The following ARHGAP44 variants were observed in gnomAD, a reference collection of about 807,000 sequenced individuals.
The protein encoded by ARHGAP44 is Rho GTPase activating protein 44, also known as rho GTPase-activating protein 44.
A neutral mutation model predicts 106.8 loss-of-function variants in ARHGAP44; 43 were observed. The ratio of observed to expected loss-of-function variants is 0.40; its 90% CI spans 0.32 to 0.52. The LOEUF (loss-of-function observed/expected upper bound fraction) is 0.52, where lower values mean the gene tolerates loss of function less well. Ranked by LOEUF, ARHGAP44 falls within the 20% of genes least tolerant of loss-of-function variation. The probability of loss-of-function intolerance (pLI) is 0.48; values close to 1 mark genes in which losing one functional copy is unlikely to be tolerated. For missense variants in ARHGAP44, 866 were observed against 1,050.5 expected, an observed-to-expected ratio of 0.82 and a Z score of 2.43; for synonymous variants, 439 against 410.3, an observed-to-expected ratio of 1.07 and a Z score of -0.85.
intron 20 of ARHGAP44, among the ~76,000 whole-genome samples, chr17:12,989,123 AAAC>A (rs1598173408): frequency 6.7e-6 from 1 of 148,224 alleles, no homozygotes; most frequent in African/African-American, 2.5e-5. Flanking sequence ...AAAAAAAAAA[AAAC>A]TAAGCAGGCG....
Position 12,870,612 on chromosome 17 carries a change from C to G in ARHGAP44, c.54-24328C>G, listed in dbSNP as rs556855253. Among the ~76,000 whole-genome samples the G allele has an allele frequency of 1.5e-4, 23 of 152,270 alleles. 1 individual carries two copies. In the South Asian group the frequency reaches 4.6e-3, roughly 30 times the overall value. On this transcript the variant is annotated intron_variant, in intron 1 of 20. Coordinates refer to ENST00000379672, the MANE Select transcript of ARHGAP44 (RefSeq NM_014859.6). Reference sequence around the variant, plus strand: ...ACTTAGCCTGATCCAGCTCCTAGTCCTGCTCCCTGGAGACACTTTTTAATA... The same window carrying G: ...ACTTAGCCTGATCCAGCTCCTAGTCGTGCTCCCTGGAGACACTTTTTAATA...
rs1351489256 is a variant in ARHGAP44 at position 12,796,889 on chromosome 17, G to C, written c.53+6998G>C. Reference sequence around the variant, plus strand: ...CAAAGTGCTGGGATTACAGGTGTAAGCCACTGCGCCTGGCCTTGAGGCTGA... The same window carrying C: ...CAAAGTGCTGGGATTACAGGTGTAACCCACTGCGCCTGGCCTTGAGGCTGA... On this transcript the variant is annotated intron_variant, in intron 1 of 20. Transcript: ENST00000379672. 9.9e-5 allele frequency among the ~76,000 whole-genome samples: 15 copies of C among 152,198 alleles called. No homozygotes were observed. The East Asian group carries it at 2.9e-3, about 29-fold the overall frequency.
At chr17:12,924,771 A>G (rs67123869) in intron 6 of ARHGAP44, among the ~76,000 whole-genome samples, 19,619 of 152,010 alleles carry the variant, frequency 0.13, 2,341 homozygotes, top group African/African-American at 0.32. Flanking sequence ...GAGGACAGAA[A>G]CAGCAGCCAT....
At chr17:12,815,670 A>G (rs944378283) in intron 1 of ARHGAP44, among the ~76,000 whole-genome samples, 1 of 152,230 alleles carries the variant, frequency 6.6e-6, no homozygotes, top group South Asian at 2.1e-4. Flanking sequence ...GGAACTGCCC[A>G]GGTCCCAAAT....
At chr17:12,959,049 C>A in intron 16 of ARHGAP44, 152 bp downstream of exon 16, 1 of 938,272 alleles carries the variant, frequency 1.1e-6, no homozygotes, top group Non-Finnish European at 1.6e-6. Flanking sequence ...TCTGCTGTGT[C>A]TGGGATGAGT....
chr17:12,872,884 AT>A (rs2036443619), intron 1 of ARHGAP44, among the ~76,000 whole-genome samples: 2 of 151,982 alleles, frequency 1.3e-5, no homozygotes, highest in East Asian at 1.9e-4. Flanking sequence ...TAGGAATTTT[AT>A]TTTGGTTTTT....
Position 12,985,222 on chromosome 17 carries a change from G to C in ARHGAP44, c.2317+314G>C, listed in dbSNP as rs145141729. The C allele has an allele frequency of 2.0e-3, 611 of 299,476 alleles. 7 individuals carry two copies. The South Asian group carries it at 0.025, about 12-fold the overall frequency. The allele number at this position is 299,476 out of a possible 1,614,324, so 18.6% of individuals were successfully genotyped here. A position where few individuals can be genotyped will look rare whatever the true frequency, so the allele number is the denominator to read the frequency against. On this transcript the variant is annotated intron_variant, in intron 20 of 20. Transcript: ENST00000379672. ...CATTTGGAGTGGGGCCTCAGGAGAG[G>C]CTGGAAGCTGGTTATGATCACAAAA... is the stretch of plus-strand genomic sequence containing the variant.
chr17:12,826,810 T>C (rs550269096), intron 1 of ARHGAP44, among the ~76,000 whole-genome samples: 31 of 152,348 alleles, frequency 2.0e-4, no homozygotes, highest in African/African-American at 7.5e-4. Flanking sequence ...ACAACAAGCC[T>C]TTATGGGCTC....
chr17:12,939,431 C>T (rs1459236929), intron 7 of ARHGAP44, among the ~76,000 whole-genome samples: 1 of 152,020 alleles, frequency 6.6e-6, no homozygotes, highest in Non-Finnish European at 1.5e-5. Flanking sequence ...TTGTGCCTGG[C>T]ATCTAGACCC....
chr17:12,990,553 G>GCTAC lies in ARHGAP44; in HGVS notation c.*385_*388dup. 5.4e-6 allele frequency: 1 copy of GCTAC among 186,754 alleles called. No homozygotes were observed. The highest frequency in any genetic ancestry group is 1.2e-4 in the East Asian group (1 of 8,390). The allele number at this position is 186,754 out of a possible 1,614,324, so 11.6% of individuals were successfully genotyped here. A position where few individuals can be genotyped will look rare whatever the true frequency, so the allele number is the denominator to read the frequency against. On this transcript the variant is annotated 3_prime_UTR_variant, in exon 21 of 21. Coordinates refer to ENST00000379672, the MANE Select transcript of ARHGAP44 (RefSeq NM_014859.6). ...CTTTGCCTGGTTAGACCCAAGGGCTGCTACCTTTTCCTTGGACGGCTCATG... is the reference window on the plus strand; with the variant it reads ...CTTTGCCTGGTTAGACCCAAGGGCTGCTACCTACCTTTTCCTTGGACGGCTCATG...
intron 1 of ARHGAP44, among the ~76,000 whole-genome samples, chr17:12,820,405 G>GA (rs1281248407): frequency 3.3e-5 from 5 of 151,822 alleles, no homozygotes; most frequent in South Asian, 2.1e-4. Context: ...AAGTGAAAAA[G>GA]AAAAAAAATT....
chr17:12,968,776 T>TC (rs983026522), intron 16 of ARHGAP44, among the ~76,000 whole-genome samples: 1 of 143,836 alleles, frequency 7.0e-6, no homozygotes, highest in African/African-American at 2.5e-5. Flanking sequence ...TCTTTTCTTT[T>TC]TTTTTTTTTT....
intron 1 of ARHGAP44, among the ~76,000 whole-genome samples, chr17:12,836,940 A>G (rs192186587): frequency 2.2e-4 from 34 of 152,342 alleles, no homozygotes; most frequent in African/African-American, 8.2e-4. Context: ...ATTGGCAATT[A>G]TAGAATACTT....
chr17:12,989,528 CCTT>C lies in ARHGAP44; in HGVS notation c.2318-501_2318-499del, dbSNP rs1306578969. Among the ~76,000 whole-genome samples the C allele has an allele frequency of 4.6e-5, 7 of 152,230 alleles. No individual in the cohort carries two copies. In the South Asian group the frequency reaches 1.2e-3, roughly 27 times the overall value. On this transcript the variant is annotated intron_variant, in intron 20 of 20. Transcript: ENST00000379672. The stretch of plus-strand genomic sequence containing the variant: ...ATGACAACCAGGGTCCTGAGGGAGA[CCTT>C]CTACTCCACCCATGTCAGCCATCCA...
At chr17:12,965,119 C>A (rs1432299577) in intron 16 of ARHGAP44, among the ~76,000 whole-genome samples, 4 of 152,192 alleles carry the variant, frequency 2.6e-5, no homozygotes, top group African/African-American at 9.6e-5. Flanking sequence ...AAGGCCCTGA[C>A]AGCATCTATG....
At chr17:12,937,160 G>A (rs2038572187) in intron 7 of ARHGAP44, among the ~76,000 whole-genome samples, 1 of 152,202 alleles carries the variant, frequency 6.6e-6, no homozygotes, top group Non-Finnish European at 1.5e-5. Flanking sequence ...GGACAGAATT[G>A]CTAGAGGGGG....
At chr17:12,930,009 A>G (rs1367863072) in intron 7 of ARHGAP44, among the ~76,000 whole-genome samples, 1 of 152,194 alleles carries the variant, frequency 6.6e-6, no homozygotes, top group Non-Finnish European at 1.5e-5. Flanking sequence ...AGAAACATTG[A>G]AAGATTTTTA....
At chr17:12,794,303 C>T (rs541001352) in intron 1 of ARHGAP44, among the ~76,000 whole-genome samples, 1 of 151,730 alleles carries the variant, frequency 6.6e-6, no homozygotes, top group East Asian at 1.9e-4. Flanking sequence ...ACTTTTTTTT[C>T]CAGTCTGCAC....
At chr17:12,838,758 G>A (rs1036811973) in intron 1 of ARHGAP44, among the ~76,000 whole-genome samples, 3 of 152,070 alleles carry the variant, frequency 2.0e-5, no homozygotes, top group African/African-American at 7.2e-5. Context: ...AGCAAACTCC[G>A]CCTCCTGGGT....
Sources: gnomAD v4.1 joint callset for allele counts (sites outside exome capture counted in the v4.1 genomes callset) on GRCh38, gnomAD v4.1.1 for gene constraint, MANE v1.5 for transcripts, NCBI Gene and HGNC (gene_info 2026-07-23, HGNC 2026-07-21) for gene names.